FANCC: variants seen among roughly 807,000 people sequenced by gnomAD.
FANCC encodes Fanconi anemia group C protein.
FANCC carries 55 observed loss-of-function variants against 71.3 expected under a neutral mutation model. The ratio of observed to expected loss-of-function variants is 0.77; its 90% confidence interval spans 0.62 to 0.97. The LOEUF (loss-of-function observed/expected upper bound fraction) is 0.97, where lower values mean the gene tolerates loss of function less well. Ranked by LOEUF, FANCC falls within the 50% of genes least tolerant of loss-of-function variation. The pLI, the probability that FANCC is intolerant of heterozygous loss-of-function variation, is 0.00. For synonymous variants in FANCC, 275 were observed against 244.9 expected (o/e 1.12, Z -1.15); for missense variants, 678 against 670.9 (o/e 1.01, Z -0.12).
chr9:95,111,353 C>T, intron 13 of FANCC, 110 bp downstream of exon 13: 2 of 1,598,200 alleles, frequency 1.3e-6, no homozygotes, highest in Non-Finnish European at 1.7e-6. Context: ...CATCTGTGGG[C>T]AGAGCTCAGG....
At chr9:95,284,790 A>G (rs73539218) in intron 1 of FANCC, among the ~76,000 whole-genome samples, 1,724 of 152,192 alleles carry the variant, frequency 0.011, 32 homozygotes, top group African/African-American at 0.039. Flanking sequence ...AATATTAACA[A>G]CAGCAGTTGT....
intron 4 of FANCC, among the ~76,000 whole-genome samples, chr9:95,179,263 C>G (rs1049749880): frequency 6.6e-6 from 1 of 152,270 alleles, no homozygotes; most frequent in South Asian, 2.1e-4. Context: ...GTTAGAAATA[C>G]AAACTCTCAG....
chr9:95,163,639 C>T (rs1830883960), intron 6 of FANCC, among the ~76,000 whole-genome samples: 1 of 152,160 alleles, frequency 6.6e-6, no homozygotes. Flanking sequence ...CACCTGAGGT[C>T]AGGAGTTCGA....
intron 4 of FANCC, among the ~76,000 whole-genome samples, chr9:95,224,153 G>A (rs1047862290): frequency 6.6e-6 from 1 of 152,224 alleles, no homozygotes; most frequent in East Asian, 1.9e-4. Flanking sequence ...GTAGAGAAGT[G>A]GTCTCTGAAC....
At chr9:95,219,870 C>T (rs1275588701) in intron 4 of FANCC, among the ~76,000 whole-genome samples, 3 of 152,112 alleles carry the variant, frequency 2.0e-5, no homozygotes, top group African/African-American at 7.2e-5. Flanking sequence ...CAAATGGGAT[C>T]TAATTAAACT....
At chr9:95,177,744 C>T (rs1279252432) in intron 4 of FANCC, among the ~76,000 whole-genome samples, 2 of 152,122 alleles carry the variant, frequency 1.3e-5, no homozygotes, top group Admixed American at 6.5e-5. Flanking sequence ...GTCACTTCAA[C>T]CCCTGGCTCA....
intron 7 of FANCC, among the ~76,000 whole-genome samples, chr9:95,137,846 G>T (rs941475009): frequency 6.6e-6 from 1 of 152,226 alleles, no homozygotes; most frequent in African/African-American, 2.4e-5. Flanking sequence ...AGATACAAAG[G>T]GGCGAATGAA....
chr9:95,156,686 C>T (rs546842407), intron 6 of FANCC, among the ~76,000 whole-genome samples: 8 of 152,016 alleles, frequency 5.3e-5, no homozygotes, highest in Non-Finnish European at 8.8e-5. Context: ...CTTTTCAAGT[C>T]CACAGTTCTC....
At chr9:95,187,649 A>C (rs1353551982) in intron 4 of FANCC, among the ~76,000 whole-genome samples, 1 of 152,028 alleles carries the variant, frequency 6.6e-6, no homozygotes, top group African/African-American at 2.4e-5. Context: ...ACTGCACTGT[A>C]AAGTCTGGGG....
intron 1 of FANCC, among the ~76,000 whole-genome samples, chr9:95,253,114 T>C (rs993807184): frequency 7.2e-5 from 11 of 152,168 alleles, no homozygotes; most frequent in Admixed American, 6.5e-5. Flanking sequence ...ATGTATCTGA[T>C]TGTTTTAAAT....
At chr9:95,208,975 T>A (rs1274767494) in intron 4 of FANCC, among the ~76,000 whole-genome samples, 1 of 152,230 alleles carries the variant, frequency 6.6e-6, no homozygotes, top group African/African-American at 2.4e-5. Flanking sequence ...TAAACACAGA[T>A]GTTTTACTCA....
intron 1 of FANCC, among the ~76,000 whole-genome samples, chr9:95,302,305 G>A (rs376955430): frequency 1.3e-5 from 2 of 152,120 alleles, no homozygotes; most frequent in Non-Finnish European, 1.5e-5. Context: ...AAAGAAAAAC[G>A]GAAAGGTCTG....
At chr9:95,108,101 G>T (rs902059578) in intron 13 of FANCC, among the ~76,000 whole-genome samples, 2 of 152,184 alleles carry the variant, frequency 1.3e-5, no homozygotes, top group African/African-American at 2.4e-5. Flanking sequence ...CCTATTCTGA[G>T]AATTCCCATG....
chr9:95,133,133 C>A (rs1240480307), intron 8 of FANCC, among the ~76,000 whole-genome samples: 2 of 152,224 alleles, frequency 1.3e-5, no homozygotes, highest in Non-Finnish European at 2.9e-5. Flanking sequence ...TCAGATGATG[C>A]AATTAGGAAG....
chr9:95,218,965 G>C (rs1489127568), intron 4 of FANCC, among the ~76,000 whole-genome samples: 1 of 152,200 alleles, frequency 6.6e-6, no homozygotes, highest in East Asian at 1.9e-4. Context: ...GTGCTTGCTT[G>C]CACTTGCCCT....
chr9:95,250,562 T>C (rs181549352), intron 1 of FANCC, among the ~76,000 whole-genome samples: 35 of 152,320 alleles, frequency 2.3e-4, no homozygotes, highest in Admixed American at 1.2e-3. Flanking sequence ...AAGGATCATG[T>C]CTAAATGAAA....
At chr9:95,170,981 C>G in intron 6 of FANCC, 98 bp downstream of exon 6, 1 of 867,918 alleles carries the variant, frequency 1.2e-6, no homozygotes, top group Non-Finnish European at 1.9e-6. Context: ...ACAACCATAA[C>G]TGAACATCCA....
intron 11 of FANCC, among the ~76,000 whole-genome samples, chr9:95,115,688 T>C (rs2072346393): frequency 6.6e-6 from 1 of 152,210 alleles, no homozygotes; most frequent in Non-Finnish European, 1.5e-5. Context: ...ACAAGGAAGG[T>C]AAGGCGAGTG....
chr9:95,251,605 C>T (rs1035175576), intron 1 of FANCC, among the ~76,000 whole-genome samples: 4 of 152,032 alleles, frequency 2.6e-5, no homozygotes, highest in Non-Finnish European at 4.4e-5. Context: ...CATGAGCCAC[C>T]GTGCCCAGCC....
Sources: gnomAD v4.1 joint callset for allele counts (sites outside exome capture counted in the v4.1 genomes callset) on GRCh38, gnomAD v4.1.1 for gene constraint, MANE v1.5 for transcripts, NCBI Gene and HGNC (gene_info 2026-07-23, HGNC 2026-07-21) for gene names.